PBX1: variants seen among roughly 807,000 people sequenced by gnomAD.
PBX1 encodes the protein PBX homeobox 1.
Under a neutral mutation model 53.4 loss-of-function variants are expected in PBX1, and 6 were observed. The observed-to-expected ratio is 0.11, with a 90% CI of 0.06 to 0.22. PBX1 has a LOEUF of 0.22. PBX1 is among the 10% of genes least tolerant of loss of function. The probability of loss-of-function intolerance (pLI) is 1.00; values close to 1 mark genes in which losing one functional copy is unlikely to be tolerated. For missense variants in PBX1, 251 were observed against 551.4 expected, an observed-to-expected ratio of 0.46 and a Z score of 5.46; for synonymous variants, 204 against 212.3, an observed-to-expected ratio of 0.96 and a Z score of 0.34.
At chr1:164,566,847 A>G (rs1300075460) in intron 2 of PBX1, among the ~76,000 whole-genome samples, 1 of 152,218 alleles carries the variant, frequency 6.6e-6, no homozygotes, top group Non-Finnish European at 1.5e-5. Flanking sequence ...ATAGCTATAT[A>G]TGGCACTTTT....
chr1:164,818,805 T>C (rs1024318277), intron 6 of PBX1: 2 of 143,588 alleles, frequency 1.4e-5, no homozygotes, highest in African/African-American at 5.3e-5. Context: ...GTGGTCCTTC[T>C]ATGGGGGAAA....
intron 2 of PBX1, among the ~76,000 whole-genome samples, chr1:164,668,544 G>A (rs533942316): frequency 2.6e-5 from 4 of 152,192 alleles, no homozygotes; most frequent in East Asian, 3.9e-4. Flanking sequence ...GATAGGTGTC[G>A]ATAACAGGGA....
intron 2 of PBX1, among the ~76,000 whole-genome samples, chr1:164,692,711 T>A (rs1473401512): frequency 6.6e-6 from 1 of 150,930 alleles, no homozygotes; most frequent in African/African-American, 2.5e-5. Flanking sequence ...TGTATGGTGA[T>A]CATAATGTAT....
chr1:164,865,499 G>A (rs893193122), intron 2 of PBX1, among the ~76,000 whole-genome samples: 7 of 152,144 alleles, frequency 4.6e-5, no homozygotes, highest in Admixed American at 6.5e-5. Context: ...GAAAAGTTAC[G>A]TCTTCATGTT....
intron 2 of PBX1, among the ~76,000 whole-genome samples, chr1:164,785,181 A>G (rs920655117): frequency 4.6e-5 from 7 of 152,334 alleles, no homozygotes; most frequent in African/African-American, 1.2e-4. Context: ...GTATAATCAG[A>G]AGCGCTGACT....
intron 2 of PBX1, among the ~76,000 whole-genome samples, chr1:164,878,988 G>C (rs1312341233): frequency 6.6e-6 from 1 of 152,186 alleles, no homozygotes; most frequent in African/African-American, 2.4e-5. Flanking sequence ...AGGTTTTAGA[G>C]CAGACCCAAA....
intron 2 of PBX1, chr1:164,769,296 T>C (rs926170699): frequency 1.3e-5 from 2 of 152,184 alleles, no homozygotes; most frequent in Non-Finnish European, 2.9e-5. Context: ...TCCTGGCCCC[T>C]ACAAAGGTGA....
intron 2 of PBX1, among the ~76,000 whole-genome samples, chr1:164,693,415 T>G (rs1192141613): frequency 6.6e-6 from 1 of 152,214 alleles, no homozygotes; most frequent in African/African-American, 2.4e-5. Context: ...TCTTGTAAAT[T>G]TAGGACAGTG....
intron 2 of PBX1, among the ~76,000 whole-genome samples, chr1:164,874,655 A>G (rs554309727): frequency 1.3e-5 from 2 of 152,164 alleles, no homozygotes; most frequent in South Asian, 2.1e-4. Flanking sequence ...CACCACGCCC[A>G]GCTAATTTTT....
intron 2 of PBX1, among the ~76,000 whole-genome samples, chr1:164,706,227 T>TG (rs1226532655): frequency 1.3e-5 from 2 of 152,234 alleles, no homozygotes; most frequent in African/African-American, 4.8e-5. Flanking sequence ...TGTGGGTCAC[T>TG]GGGCTCCTCT....
At chr1:164,620,976 C>T (rs1281178402) in intron 2 of PBX1, among the ~76,000 whole-genome samples, 1 of 151,880 alleles carries the variant, frequency 6.6e-6, no homozygotes, top group Non-Finnish European at 1.5e-5. Flanking sequence ...AGCCACTGCG[C>T]CCGGCATTAA....
chr1:164,734,007 T>A (rs1160596814), intron 2 of PBX1, among the ~76,000 whole-genome samples: 4 of 152,224 alleles, frequency 2.6e-5, no homozygotes, highest in Non-Finnish European at 5.9e-5. Context: ...CATGCACATA[T>A]TTACGTACCA....
chr1:164,576,519 C>T (rs1046933944), intron 2 of PBX1, among the ~76,000 whole-genome samples: 1 of 152,234 alleles, frequency 6.6e-6, no homozygotes, highest in African/African-American at 2.4e-5. Context: ...GCAGGCCGCA[C>T]GTCACCGGCC....
chr1:164,609,192 T>C (rs945800418), intron 2 of PBX1, among the ~76,000 whole-genome samples: 15 of 152,104 alleles, frequency 9.9e-5, no homozygotes, highest in African/African-American at 3.4e-4. Context: ...GTTCCCACAC[T>C]ACACTGATGT....
At chr1:164,868,219 G>T (rs1173728105) in intron 2 of PBX1, among the ~76,000 whole-genome samples, 1 of 152,104 alleles carries the variant, frequency 6.6e-6, no homozygotes, top group African/African-American at 2.4e-5. Context: ...CTTCTGAGGG[G>T]GGCCATTTTT....
chr1:164,854,948 T>TC (rs1438540249), downstream of PBX1, among the ~76,000 whole-genome samples: 1 of 144,780 alleles, frequency 6.9e-6, no homozygotes, highest in Non-Finnish European at 1.5e-5. Flanking sequence ...TCTCTCTCTT[T>TC]TTTTTTTTTT....
intron 2 of PBX1, among the ~76,000 whole-genome samples, chr1:164,593,259 A>C (rs1448877225): frequency 2.0e-5 from 3 of 152,130 alleles, no homozygotes; most frequent in African/African-American, 7.2e-5. Flanking sequence ...CGCCTGGCCA[A>C]CCCTTAGATT....
intron 2 of PBX1, among the ~76,000 whole-genome samples, chr1:164,764,833 C>T (rs1359715963): frequency 6.6e-6 from 1 of 152,146 alleles, no homozygotes; most frequent in Non-Finnish European, 1.5e-5. Flanking sequence ...GTGCATATAT[C>T]TTTACCATTA....
intron 5 of PBX1, among the ~76,000 whole-genome samples, chr1:164,808,877 T>C (rs1344033285): frequency 6.6e-6 from 1 of 152,176 alleles, no homozygotes; most frequent in Non-Finnish European, 1.5e-5. Flanking sequence ...ACCTGGGCCT[T>C]CCTTAGGTGC....
Sources: gnomAD v4.1 joint callset for allele counts (sites outside exome capture counted in the v4.1 genomes callset) on GRCh38, gnomAD v4.1.1 for gene constraint, MANE v1.5 for transcripts, NCBI Gene and HGNC (gene_info 2026-07-23, HGNC 2026-07-21) for gene names.